GRXCR2: variants seen among roughly 807,000 people sequenced by gnomAD.
GRXCR2 encodes the protein glutaredoxin domain-containing cysteine-rich protein 2.
In GRXCR2, 23 loss-of-function variants were observed where a neutral mutation model predicts 24.8. The ratio of observed to expected loss-of-function variants is 0.93; its 90% CI spans 0.67 to 1.32. The LOEUF (loss-of-function observed/expected upper bound fraction) is 1.32. GRXCR2 is among the 40% of genes most tolerant of loss of function. GRXCR2 has a pLI of 0.00. For missense variants in GRXCR2, 315 were observed against 303.4 expected (o/e 1.04, Z -0.28); for synonymous variants, 130 against 116.1 (o/e 1.12, Z -0.77).
At chr5:145,875,355 C>A (rs974779666), upstream of GRXCR2, among the ~76,000 whole-genome samples, 93 of 152,270 alleles carry the variant, frequency 6.1e-4, no homozygotes, top group African/African-American at 2.2e-3. Flanking sequence ...TTAAGACCAT[C>A]CTGGCCAACA....
At chr5:145,908,238 T>C (rs1757117303) in intron 2 of GRXCR2, among the ~76,000 whole-genome samples, 1 of 152,188 alleles carries the variant, frequency 6.6e-6, no homozygotes, top group African/African-American at 2.4e-5. Flanking sequence ...AAAACAGTTT[T>C]CAAGTTTAAA....
intron 2 of GRXCR2, among the ~76,000 whole-genome samples, chr5:145,897,480 T>C (rs755453123): frequency 2.6e-5 from 4 of 152,096 alleles, no homozygotes; most frequent in Non-Finnish European, 4.4e-5. Flanking sequence ...AATAGATATC[T>C]GCAGAATACT....
intron 2 of GRXCR2, among the ~76,000 whole-genome samples, chr5:145,921,289 T>A (rs1317630196): frequency 6.6e-5 from 10 of 152,184 alleles, no homozygotes; most frequent in African/African-American, 2.4e-4. Context: ...GATATATATG[T>A]GCTCATGGCA....
chr5:145,925,436 T>C (rs1757379831), intron 2 of GRXCR2, among the ~76,000 whole-genome samples: 1 of 152,202 alleles, frequency 6.6e-6, no homozygotes, highest in African/African-American at 2.4e-5. Context: ...TGCATTTTTA[T>C]GGATGGGGCC....
At chr5:145,909,562 T>A (rs1163679019) in intron 2 of GRXCR2, among the ~76,000 whole-genome samples, 1 of 152,202 alleles carries the variant, frequency 6.6e-6, no homozygotes, top group Non-Finnish European at 1.5e-5. Flanking sequence ...TGTTACCCTG[T>A]TTTATATTCT....
intron 2 of GRXCR2, among the ~76,000 whole-genome samples, chr5:145,927,057 G>A (rs1396684096): frequency 6.6e-6 from 1 of 152,144 alleles, no homozygotes; most frequent in African/African-American, 2.4e-5. Flanking sequence ...AAGAATGCTT[G>A]TGATTTTTGC....
intron 2 of GRXCR2, among the ~76,000 whole-genome samples, chr5:145,910,058 G>A (rs943667935): frequency 3.9e-5 from 6 of 152,128 alleles, no homozygotes; most frequent in Non-Finnish European, 5.9e-5. Flanking sequence ...AACCAATATT[G>A]GGAGTCATAT....
chr5:145,919,971 G>A (rs1757300548), intron 2 of GRXCR2, among the ~76,000 whole-genome samples: 1 of 152,098 alleles, frequency 6.6e-6, no homozygotes, highest in Admixed American at 6.6e-5. Flanking sequence ...CATTGAAACC[G>A]AGGCACCCAG....
chr5:145,913,214 T>C (rs56744346), intron 2 of GRXCR2, among the ~76,000 whole-genome samples: 2,073 of 152,316 alleles, frequency 0.014, 60 homozygotes, highest in African/African-American at 0.047. Context: ...GGACTTCACC[T>C]GTTTTTCTAC....
intron 2 of GRXCR2, among the ~76,000 whole-genome samples, chr5:145,863,830 T>C (rs1756382805): frequency 6.6e-6 from 1 of 152,056 alleles, no homozygotes; most frequent in Non-Finnish European, 1.5e-5. Context: ...TGAGAGAAGG[T>C]AATGGCCAAA....
chr5:145,873,058 C>T, upstream of GRXCR2: 2 of 987,490 alleles, frequency 2.0e-6, no homozygotes, highest in South Asian at 1.6e-5. Context: ...TTTCTCTCCT[C>T]CTGCATATAA....
chr5:145,895,659 C>A (rs1239348280), intron 2 of GRXCR2, among the ~76,000 whole-genome samples: 2 of 152,140 alleles, frequency 1.3e-5, no homozygotes, highest in Non-Finnish European at 2.9e-5. Context: ...ATAACATTCC[C>A]TGCTCATGGG....
chr5:145,905,330 T>A (rs1485968433), intron 2 of GRXCR2, among the ~76,000 whole-genome samples: 1 of 152,134 alleles, frequency 6.6e-6, no homozygotes, highest in Admixed American at 6.5e-5. Flanking sequence ...GAAAAGTAAA[T>A]AACATGTAAG....
chr5:145,877,376 A>T (rs940196520), upstream of GRXCR2, among the ~76,000 whole-genome samples: 2 of 149,382 alleles, frequency 1.3e-5, no homozygotes, highest in Non-Finnish European at 1.5e-5. Flanking sequence ...TTTCAGACAG[A>T]GTCTCACCCT....
intron 2 of GRXCR2, among the ~76,000 whole-genome samples, chr5:145,913,929 C>T (rs149831275): frequency 6.6e-6 from 1 of 152,316 alleles, no homozygotes; most frequent in African/African-American, 2.4e-5. Flanking sequence ...ATGTGTCAAA[C>T]GCTATGAAAC....
At chr5:145,897,369 G>C (rs1756966259) in intron 2 of GRXCR2, among the ~76,000 whole-genome samples, 1 of 151,492 alleles carries the variant, frequency 6.6e-6, no homozygotes, top group African/African-American at 2.4e-5. Flanking sequence ...CTTAATAGTG[G>C]AGAACTTTAA....
At chr5:145,865,579 A>G (rs1217300129) in intron 2 of GRXCR2, among the ~76,000 whole-genome samples, 1 of 152,236 alleles carries the variant, frequency 6.6e-6, no homozygotes, top group East Asian at 1.9e-4. Flanking sequence ...GGCAGTCACT[A>G]GACAAGTGTG....
At chr5:145,893,057 A>T (rs2149919780) in intron 2 of GRXCR2, among the ~76,000 whole-genome samples, 1 of 152,328 alleles carries the variant, frequency 6.6e-6, no homozygotes, top group African/African-American at 2.4e-5. Context: ...AGGAGAAATA[A>T]AATACTTTAC....
intron 2 of GRXCR2, among the ~76,000 whole-genome samples, chr5:145,884,405 T>G (rs1756748039): frequency 6.6e-6 from 1 of 152,156 alleles, no homozygotes; most frequent in Admixed American, 6.5e-5. Flanking sequence ...AATTTTACTC[T>G]AGGGTTGGTA....
Sources: allele counts gnomAD v4.1 joint callset (sites outside exome capture counted in the v4.1 genomes callset), GRCh38; gene constraint gnomAD v4.1.1; transcripts MANE v1.5; gene names NCBI Gene and HGNC (gene_info 2026-07-23, HGNC 2026-07-21).